Variants in L3MBTL4 observed in about 807,000 individuals in gnomAD.
L3MBTL4 encodes L3MBTL histone methyl-lysine binding protein 4.
Under a neutral mutation model 84.5 loss-of-function variants are expected in L3MBTL4, and 70 were observed. That is an observed-to-expected ratio of 0.83 (90% CI 0.68 to 1.01). The LOEUF (loss-of-function observed/expected upper bound fraction) is 1.01. Ranked by LOEUF, L3MBTL4 falls within the 50% of genes least tolerant of loss-of-function variation. L3MBTL4 has a pLI of 0.00. For missense variants in L3MBTL4, 715 were observed against 754.8 expected (o/e 0.95, Z 0.62); for synonymous variants, 274 against 259.8 (o/e 1.05, Z -0.52).
intron 4 of L3MBTL4, among the ~76,000 whole-genome samples, chr18:6,291,418 G>A (rs1432240489): frequency 1.3e-5 from 2 of 152,134 alleles, no homozygotes; most frequent in Admixed American, 6.6e-5. Context: ...GAGCAAAGCT[G>A]GAGGCATCTC....
In L3MBTL4 at chr18:6,141,548, G is replaced by T. The variant is rs115121408; in HGVS notation, c.1097-3252C>A. Among the ~76,000 whole-genome samples, 3 of 152,114 alleles carry T rather than the reference G, an allele frequency of 2.0e-5. 1 individual carries two copies. The South Asian group carries it at 6.2e-4, about 32-fold the overall frequency. Reference sequence around the variant, plus strand: ...TTCTCCCGTAGAGCAGCTCATCTCCGTGACTGCATTACCCTCCATCCAGGA... The same window carrying T: ...TTCTCCCGTAGAGCAGCTCATCTCCTTGACTGCATTACCCTCCATCCAGGA... On this transcript the variant is annotated intron_variant, in intron 13 of 18. Transcript: ENST00000317931.
chr18:6,011,589 A>G (rs2054741641), intron 16 of L3MBTL4, among the ~76,000 whole-genome samples: 2 of 152,150 alleles, frequency 1.3e-5, no homozygotes. Flanking sequence ...GTCTACTCAA[A>G]ATGAACTACT....
Position 5,960,103 on chromosome 18 carries a change from A to G in L3MBTL4, c.1668T>C (p.Phe556=). 1 of 1,495,920 alleles carries G rather than the reference A, an allele frequency of 6.7e-7. No homozygotes were observed. The highest frequency in any genetic ancestry group is 9.0e-7 in the Non-Finnish European group (1 of 1,116,026). 92.7% of individuals were successfully genotyped at this position (1,495,920 alleles called of 1,614,324 possible). The change falls in exon 18 of 19, where the codon TTT becomes TTC. Residue 556 remains phenylalanine, a synonymous_variant. Coordinates refer to ENST00000317931, the MANE Select transcript of L3MBTL4 (RefSeq NM_001330559.2). The part of the protein sequence containing the change: ...LLGCEEHAKC[F]KKEQIDGKAF... ...TTTTTGCATCTCTTACCTCTTTCTT[A>G]AAGCACTTGGCATGCTCTTCACAGC...
chr18:6,242,219 T>C (rs1303529177), intron 7 of L3MBTL4, among the ~76,000 whole-genome samples: 3 of 152,166 alleles, frequency 2.0e-5, no homozygotes, highest in Non-Finnish European at 2.9e-5. Context: ...AGATGACTCA[T>C]CCTCGCAAAG....
chr18:5,978,985 T>C (rs1232424818), intron 16 of L3MBTL4, among the ~76,000 whole-genome samples: 1 of 152,226 alleles, frequency 6.6e-6, no homozygotes, highest in Non-Finnish European at 1.5e-5. Flanking sequence ...AGACACCATA[T>C]TCTATTTGTT....
intron 16 of L3MBTL4, chr18:6,029,551 C>T (rs1236966313): frequency 2.0e-6 from 2 of 985,192 alleles, no homozygotes; most frequent in African/African-American, 3.5e-5. Flanking sequence ...GAAATACGTC[C>T]ATTTATTGCA....
At chr18:6,006,490 T>G (rs1259970149) in intron 16 of L3MBTL4, among the ~76,000 whole-genome samples, 2 of 152,104 alleles carry the variant, frequency 1.3e-5, no homozygotes, top group Admixed American at 1.3e-4. Context: ...AAATCTGGTG[T>G]GAAGGGGAGG....
chr18:6,020,881 A>G (rs1398091177), intron 16 of L3MBTL4, among the ~76,000 whole-genome samples: 1 of 152,190 alleles, frequency 6.6e-6, no homozygotes, highest in East Asian at 1.9e-4. Flanking sequence ...AGGTGGGGAT[A>G]GGAGCTGGAG....
chr18:6,378,892 C>G (rs1334899534), intron 1 of L3MBTL4, among the ~76,000 whole-genome samples: 1 of 152,140 alleles, frequency 6.6e-6, no homozygotes, highest in Non-Finnish European at 1.5e-5. Flanking sequence ...AGCATTGAAT[C>G]TATAAATTAT....
chr18:6,257,255 C>A (rs1277581344), intron 5 of L3MBTL4, among the ~76,000 whole-genome samples: 1 of 151,990 alleles, frequency 6.6e-6, no homozygotes, highest in African/African-American at 2.4e-5. Flanking sequence ...ACAATACGAA[C>A]CTCTCCCGGG....
rs760450527 is a variant in L3MBTL4 at position 6,241,340 on chromosome 18, G to A, written c.552+18C>T. ...GCTTGGGGGAAATTTGATTTATGCT[G>A]GGAAAGAAAATACTTACAGGACTTC... On this transcript the variant is annotated intron_variant, in intron 8 of 18. Coordinates refer to ENST00000317931, the MANE Select transcript of L3MBTL4 (RefSeq NM_001330559.2). 1 of 1,416,022 alleles carries A rather than the reference G, an allele frequency of 7.1e-7. No homozygotes were observed. Among genetic ancestry groups the A allele is most frequent in the African/African-American group, 1.4e-5 (1 of 70,388 alleles). The allele number at this position is 1,416,022 out of a possible 1,614,324, so 87.7% of individuals were successfully genotyped here.
chr18:6,102,204 T>G (rs1809847581), intron 14 of L3MBTL4, among the ~76,000 whole-genome samples: 1 of 152,194 alleles, frequency 6.6e-6, no homozygotes, highest in African/African-American at 2.4e-5. Context: ...CACATCAGTG[T>G]CTAAAGAAAT....
chr18:6,040,308 TC>T, intron 16 of L3MBTL4, among the ~76,000 whole-genome samples: 1 of 152,328 alleles, frequency 6.6e-6, no homozygotes, highest in East Asian at 1.9e-4. Context: ...TTCAGCAATA[TC>T]CAGAAGCACT....
chr18:6,244,202 A>C (rs1263576260), intron 6 of L3MBTL4, among the ~76,000 whole-genome samples: 1 of 152,188 alleles, frequency 6.6e-6, no homozygotes, highest in African/African-American at 2.4e-5. Flanking sequence ...TAATAGGTTA[A>C]AATACCACTG....
At chr18:6,080,733 G>A (rs558373039) in intron 16 of L3MBTL4, 148 bp downstream of exon 16, 15 of 573,110 alleles carry the variant, frequency 2.6e-5, no homozygotes, top group South Asian at 5.2e-5. Flanking sequence ...TTCACAGGGC[G>A]GGAACTAGAA....
intron 16 of L3MBTL4, among the ~76,000 whole-genome samples, chr18:6,040,007 A>C (rs530443130): frequency 6.6e-6 from 1 of 152,346 alleles, no homozygotes; most frequent in Admixed American, 6.5e-5. Flanking sequence ...TTCAAATATT[A>C]AACTTTTTTC....
chr18:6,031,311 G>A, intron 16 of L3MBTL4: 2 of 985,430 alleles, frequency 2.0e-6, no homozygotes, highest in Non-Finnish European at 2.4e-6. Flanking sequence ...GGGCATTTGG[G>A]TTATAGGTTT....
chr18:6,389,900 A>G (rs1316833902), intron 1 of L3MBTL4, among the ~76,000 whole-genome samples: 1 of 152,188 alleles, frequency 6.6e-6, no homozygotes, highest in Non-Finnish European at 1.5e-5. Context: ...TCAAGACAGA[A>G]TGTCAACAAA....
At chr18:6,265,553 T>C (rs414519) in intron 4 of L3MBTL4, among the ~76,000 whole-genome samples, 4,475 of 152,326 alleles carry the variant, frequency 0.029, 198 homozygotes, top group African/African-American at 0.1. Flanking sequence ...TCGAAAACTA[T>C]ATTTTTATGC....
Sources: gnomAD v4.1 joint callset for allele counts (sites outside exome capture counted in the v4.1 genomes callset) on GRCh38, gnomAD v4.1.1 for gene constraint, MANE v1.5 for transcripts, NCBI Gene and HGNC (gene_info 2026-07-23, HGNC 2026-07-21) for gene names.